Variants in IGDCC4 observed in about 807,000 individuals in gnomAD.
IGDCC4 encodes the protein likely ortholog of mouse neighbor of Punc E11.
In IGDCC4, 72 loss-of-function variants were observed where a neutral mutation model predicts 116.6. The observed-to-expected ratio is 0.62, with a 90% CI of 0.51 to 0.75. The LOEUF (loss-of-function observed/expected upper bound fraction) is 0.75. Ranked by LOEUF, IGDCC4 falls within the 30% of genes least tolerant of loss-of-function variation. IGDCC4 has a pLI of 0.00. For synonymous variants in IGDCC4, 709 were observed against 719.9 expected (o/e 0.98, Z 0.24); for missense variants, 1,501 against 1,662.4 (o/e 0.90, Z 1.69).
At position 65,390,346 on chromosome 15, in the gene IGDCC4, G is replaced by A. The variant is rs774784320; in HGVS notation, c.2225-8C>T. 33 of 1,581,762 alleles carry A rather than the reference G, an allele frequency of 2.1e-5. No homozygotes were observed. Among genetic ancestry groups the A allele is most frequent in the Non-Finnish European group, 2.8e-5 (32 of 1,155,192 alleles). Reference sequence around the variant, plus strand: ...CCCTCTGGATAGGCATGTCTGAAAGGTGAAAACTAGAGTGTGAGGAAGGGA... The same window carrying A: ...CCCTCTGGATAGGCATGTCTGAAAGATGAAAACTAGAGTGTGAGGAAGGGA... On this transcript the variant is annotated splice_region_variant and splice_polypyrimidine_tract_variant and intron_variant, in intron 12 of 19. Transcript: ENST00000352385.
chr15:65,391,778 TA>T, intron 12 of IGDCC4, 101 bp downstream of exon 12: 1 of 1,033,832 alleles, frequency 9.7e-7, no homozygotes, highest in Non-Finnish European at 1.5e-6. Context: ...CTGAGGCTAC[TA>T]AAGTACCTGC....
At position 65,384,726 on chromosome 15, in the gene IGDCC4, T is replaced by C; in HGVS notation, c.3342+228A>G. Reference sequence around the variant, plus strand: ...GATCCACGGAACTGCTGTGGCCCACTTAGGTCTGGGTAGAGGAGGGGCTGT... The same window carrying C: ...GATCCACGGAACTGCTGTGGCCCACCTAGGTCTGGGTAGAGGAGGGGCTGT... On this transcript the variant is annotated intron_variant, in intron 19 of 19. Coordinates refer to ENST00000352385, the MANE Select transcript of IGDCC4 (RefSeq NM_020962.3). The surrounding 1 kb of genome is among the most constrained non-coding windows in gnomAD (Gnocchi z 4.9). 1.8e-6 allele frequency: 1 copy of C among 568,318 alleles called. No individual in the cohort carries two copies. The highest frequency in any genetic ancestry group is 3.0e-6 in the Non-Finnish European group (1 of 338,752). The allele number at this position is 568,318 out of a possible 1,614,324, so 35.2% of individuals were successfully genotyped here. A position where few individuals can be genotyped will look rare whatever the true frequency, so the allele number is the denominator to read the frequency against.
At chr15:65,408,228 C>T (rs544006335) in intron 3 of IGDCC4, among the ~76,000 whole-genome samples, 204 of 152,242 alleles carry the variant, frequency 1.3e-3, no homozygotes, top group African/African-American at 4.8e-3. Flanking sequence ...AGGTACACTC[C>T]CATTAAGTGG....
In IGDCC4 at chr15:65,403,094, G is replaced by A. The variant is rs1177953446; in HGVS notation, c.564-607C>T. 1.1e-4 allele frequency among the ~76,000 whole-genome samples: 16 copies of A among 152,312 alleles called. No individual in the cohort carries two copies. In the South Asian group the frequency reaches 1.2e-3, roughly 12 times the overall value. On this transcript the variant is annotated intron_variant, in intron 3 of 19. Coordinates refer to ENST00000352385, the MANE Select transcript of IGDCC4 (RefSeq NM_020962.3). ...CTCTCAGATGTGTGCACAAGAGCAT[G>A]TGTTAAACGATATTCACTCCAGCAC...
intron 1 of IGDCC4, among the ~76,000 whole-genome samples, chr15:65,420,725 C>T (rs1475856567): frequency 6.6e-6 from 1 of 152,062 alleles, no homozygotes; most frequent in Non-Finnish European, 1.5e-5. Flanking sequence ...TTTGCACATG[C>T]TGTTCTCTGG....
At chr15:65,406,470 G>A (rs1012387282) in intron 3 of IGDCC4, among the ~76,000 whole-genome samples, 1 of 152,114 alleles carries the variant, frequency 6.6e-6, no homozygotes, top group African/African-American at 2.4e-5. Context: ...AATAGTATGA[G>A]TACCGGGGAT....
In IGDCC4 at chr15:65,384,529, A is replaced by G. The variant is rs2091434603; in HGVS notation, c.3343-110T>C. ...CTGACCCTCCATCAGAGTAAGTATCACATGGGAGTCGGTGAAGGATACACA... is the reference window on the plus strand; with the variant it reads ...CTGACCCTCCATCAGAGTAAGTATCGCATGGGAGTCGGTGAAGGATACACA... On this transcript the variant is annotated intron_variant, in intron 19 of 19. Coordinates refer to ENST00000352385, the MANE Select transcript of IGDCC4 (RefSeq NM_020962.3). The surrounding 1 kb of genome is among the most constrained non-coding windows in gnomAD (Gnocchi z 4.9). 2.2e-5 allele frequency: 24 copies of G among 1,087,820 alleles called. No individual in the cohort carries two copies. Among genetic ancestry groups the G allele is most frequent in the Non-Finnish European group, 3.0e-5 (23 of 776,176 alleles). 67.4% of individuals were successfully genotyped at this position (1,087,820 alleles called of 1,614,324 possible).
At chr15:65,387,096 G>A (rs1374795837) in intron 16 of IGDCC4, among the ~76,000 whole-genome samples, 4 of 152,016 alleles carry the variant, frequency 2.6e-5, no homozygotes, top group African/African-American at 9.7e-5. Flanking sequence ...GCATGAACAC[G>A]GCTCGCTGTA....
At position 65,383,952 on chromosome 15, in the gene IGDCC4, T is replaced by C. The variant is rs1266314693; in HGVS notation, c.*57A>G. On this transcript the variant is annotated 3_prime_UTR_variant, in exon 20 of 20. Transcript: ENST00000352385. ...ACATGTGGACATACACGGCCACAGGTATCGCATCCTATGTGATCCATACCT... is the reference window on the plus strand; with the variant it reads ...ACATGTGGACATACACGGCCACAGGCATCGCATCCTATGTGATCCATACCT... 2.8e-6 allele frequency: 4 copies of C among 1,443,758 alleles called. No individual in the cohort carries two copies. Among genetic ancestry groups the C allele is most frequent in the African/African-American group, 2.8e-5 (2 of 71,058 alleles). The allele number at this position is 1,443,758 out of a possible 1,614,324, so 89.4% of individuals were successfully genotyped here.
intron 3 of IGDCC4, 118 bp from the exon 4 acceptor site, chr15:65,402,605 A>C: frequency 7.5e-6 from 10 of 1,332,276 alleles, no homozygotes; most frequent in African/African-American, 1.5e-5. Flanking sequence ...GCAGTGGCTC[A>C]CGCCTATAAT....
chr15:65,395,888 G>T lies in IGDCC4; in HGVS notation c.1273C>A (p.Arg425Ser). ...GTGGGGGCGCTGGGCAGCCCCTCGC[G>T]CACCACCACGGCCAGCGACGCGGCA... ...CAAASLAVVV[R>S]EGLPSAPTRV... Residue 425 changes from arginine (R) to serine (S), a missense_variant, in exon 7 of 20, where the codon CGC becomes AGC. Arg to Ser is a moderately radical substitution (Grantham distance 110). Transcript: ENST00000352385. 1 of 1,588,258 alleles carries T rather than the reference G, an allele frequency of 6.3e-7. No individual in the cohort carries two copies.
chr15:65,402,026 G>A (rs1316246800), intron 4 of IGDCC4, among the ~76,000 whole-genome samples: 1 of 152,108 alleles, frequency 6.6e-6, no homozygotes, highest in African/African-American at 2.4e-5. Context: ...CAGGGCTTCC[G>A]GGCACTGACA....
Position 65,383,267 on chromosome 15 carries a change from G to A in IGDCC4, c.*742C>T, listed in dbSNP as rs2091418937. The A allele has an allele frequency of 6.5e-6, 1 of 153,338 alleles. No homozygotes were observed. The highest frequency in any genetic ancestry group is 1.5e-5 in the Non-Finnish European group (1 of 68,516). The allele number at this position is 153,338 out of a possible 1,614,324, so 9.5% of individuals were successfully genotyped here. A position where few individuals can be genotyped will look rare whatever the true frequency, so the allele number is the denominator to read the frequency against. ...AGATAGCAGAGGAAGGAAAACAGGA[G>A]AGAGGAAAGGAAAGAGTATCTGGGA... On this transcript the variant is annotated 3_prime_UTR_variant, in exon 20 of 20. Coordinates refer to ENST00000352385, the MANE Select transcript of IGDCC4 (RefSeq NM_020962.3).
chr15:65,410,550 T>G lies in IGDCC4; in HGVS notation c.422-231A>C, dbSNP rs149193226. 4.4e-4 allele frequency: 255 copies of G among 580,232 alleles called. 1 individual carries two copies. The East Asian group carries it at 7.4e-3, about 17-fold the overall frequency. 35.9% of individuals were successfully genotyped at this position (580,232 alleles called of 1,614,324 possible). A position where few individuals can be genotyped will look rare whatever the true frequency, so the allele number is the denominator to read the frequency against. On this transcript the variant is annotated intron_variant, in intron 2 of 19. Coordinates refer to ENST00000352385, the MANE Select transcript of IGDCC4 (RefSeq NM_020962.3). The stretch of plus-strand genomic sequence containing the variant: ...CCCCTGCCCAACATCATCATGATGG[T>G]CAAACTATACAGTAAGATGCACACT...
At position 65,383,946 on chromosome 15, in the gene IGDCC4, C is replaced by T; in HGVS notation, c.*63G>A. 1 of 1,428,328 alleles carries T rather than the reference C, an allele frequency of 7.0e-7. No individual in the cohort carries two copies. The highest frequency in any genetic ancestry group is 9.4e-7 in the Non-Finnish European group (1 of 1,067,180). The allele number at this position is 1,428,328 out of a possible 1,614,324, so 88.5% of individuals were successfully genotyped here. A position where few individuals can be genotyped will look rare whatever the true frequency, so the allele number is the denominator to read the frequency against. ...AGGCACACATGTGGACATACACGGC[C>T]ACAGGTATCGCATCCTATGTGATCC... On this transcript the variant is annotated 3_prime_UTR_variant, in exon 20 of 20. Transcript: ENST00000352385.
At chr15:65,410,991 T>A in intron 2 of IGDCC4, 29 bp downstream of exon 2, 1 of 1,563,214 alleles carries the variant, frequency 6.4e-7, no homozygotes, top group East Asian at 2.3e-5. Flanking sequence ...GGTTTCAGCC[T>A]CAGACCCCCG....
chr15:65,381,820 A>G lies in IGDCC4; in HGVS notation c.*2189T>C, dbSNP rs2091403536. On this transcript the variant is annotated 3_prime_UTR_variant, in exon 20 of 20. Transcript: ENST00000352385. ...CAAACCTAACACTTCCAAATTACCC[A>G]GAGCCCAAATCATATATAGTGCTAG... is the stretch of plus-strand genomic sequence containing the variant. 1 of 152,658 alleles carries G rather than the reference A, an allele frequency of 6.6e-6. No homozygotes were observed. Among genetic ancestry groups the G allele is most frequent in the Non-Finnish European group, 1.5e-5 (1 of 68,046 alleles). The allele number at this position is 152,658 out of a possible 1,614,324, so 9.5% of individuals were successfully genotyped here.
chr15:65,422,350 G>A (rs976726808), intron 1 of IGDCC4, among the ~76,000 whole-genome samples: 4 of 151,864 alleles, frequency 2.6e-5, no homozygotes, highest in Non-Finnish European at 4.4e-5. Flanking sequence ...CCAAATGGAG[G>A]TGCAGACACA....
intron 3 of IGDCC4, among the ~76,000 whole-genome samples, chr15:65,403,223 C>G (rs764773304): frequency 4.6e-5 from 7 of 152,180 alleles, no homozygotes; most frequent in Non-Finnish European, 1.0e-4. Context: ...TGTTAGGCAG[C>G]TGCTAAAAAG....
Sources: gnomAD v4.1 joint callset for allele counts (sites outside exome capture counted in the v4.1 genomes callset) on GRCh38, gnomAD v4.1.1 for gene constraint, Gnocchi (gnomAD v3.1) non-coding constraint, MANE v1.5 for transcripts, NCBI Gene and HGNC (gene_info 2026-07-23, HGNC 2026-07-21) for gene names.